Variants in NOX1 observed in about 807,000 individuals in gnomAD.
The protein encoded by NOX1 is NADH/NADPH mitogenic oxidase subunit P65-MOX.
A neutral mutation model predicts 42.5 loss-of-function variants in NOX1; 34 were observed. That is an observed-to-expected ratio of 0.80 (90% CI 0.61 to 1.07). The LOEUF is 1.07. Ranked by LOEUF, NOX1 falls within the 50% of genes least tolerant of loss-of-function variation. NOX1 has a pLI of 0.00. For missense variants in NOX1, 408 were observed against 427.0 expected (o/e 0.96, Z 0.39); for synonymous variants, 143 against 152.5 (o/e 0.94, Z 0.46).
At chrX:100,845,391 GT>G (rs200770960) in intron 12 of NOX1, among the ~76,000 whole-genome samples, 23 of 103,159 alleles carry the variant, frequency 2.2e-4, no homozygotes, top group African/African-American at 7.0e-4. Context: ...TCAGTACTTT[GT>G]TTTTTTTTTA....
chrX:100,863,337 A>G lies in NOX1; in HGVS notation c.253-94T>C, dbSNP rs896777569. On this transcript the variant is annotated intron_variant, in intron 3 of 12. Transcript: ENST00000372966. ...AATATGTCTTGCATATAGCATGCCAATACTCACCCGCACTAACCCACCCCC... is the reference window on the plus strand; with the variant it reads ...AATATGTCTTGCATATAGCATGCCAGTACTCACCCGCACTAACCCACCCCC... The G allele has an allele frequency of 8.7e-6, 8 of 921,762 alleles. No individual in the cohort carries two copies. In the African/African-American group the frequency reaches 1.2e-4, roughly 13 times the overall value. 76.0% of individuals were successfully genotyped at this position (921,762 alleles called of 1,213,427 possible). A position where few individuals can be genotyped will look rare whatever the true frequency, so the allele number is the denominator to read the frequency against.
chrX:100,857,711 CTTTTT>C (rs111819752), intron 7 of NOX1, among the ~76,000 whole-genome samples: 9 of 93,924 alleles, frequency 9.6e-5, no homozygotes, highest in Non-Finnish European at 2.1e-5. Context: ...CCTTTGCCCA[CTTTTT>C]TTTTTTTTTT....
chrX:100,859,700 T>C (rs1193187959), intron 7 of NOX1, among the ~76,000 whole-genome samples: 1 of 108,667 alleles, frequency 9.2e-6, no homozygotes, highest in Non-Finnish European at 1.9e-5. Flanking sequence ...ATCCATTTCT[T>C]CTAGGTTGTT....
At chrX:100,860,446 C>T (rs1365332336) in intron 7 of NOX1, among the ~76,000 whole-genome samples, 1 of 112,047 alleles carries the variant, frequency 8.9e-6, no homozygotes, top group Non-Finnish European at 1.9e-5. Context: ...CACTTGCCAG[C>T]ACCATACATT....
intron 7 of NOX1, 31 bp downstream of exon 7, chrX:100,862,140 A>G: frequency 4.2e-6 from 5 of 1,199,196 alleles, no homozygotes; most frequent in Non-Finnish European, 5.6e-6. Flanking sequence ...AGCTCCTAAC[A>G]AGAGTCTGTC....
Position 100,855,036 on chromosome X carries a change from A to T in NOX1, c.805-3711T>A, listed in dbSNP as rs760853729. Among the ~76,000 whole-genome samples, 6 of 112,205 alleles carry T rather than the reference A, an allele frequency of 5.3e-5. No homozygotes were observed. The South Asian group carries it at 2.3e-3, about 42-fold the overall frequency. On this transcript the variant is annotated intron_variant, in intron 7 of 12. Coordinates refer to ENST00000372966, the MANE Select transcript of NOX1 (RefSeq NM_007052.5). ...TTGCATGGGTGCAAAAAAAATCTAC[A>T]TTAAAACCCTTTGTTGGAATGCTTT...
chrX:100,854,016 G>A lies in NOX1; in HGVS notation c.805-2691C>T, dbSNP rs187648644. Among the ~76,000 whole-genome samples the A allele has an allele frequency of 5.1e-3, 570 of 111,242 alleles. 5 individuals are homozygous for A. Among genetic ancestry groups the A allele is most frequent in the African/African-American group, 0.017 (536 of 30,716 alleles). The stretch of plus-strand genomic sequence containing the variant: ...AAATTAGCAGGGCGTGGTGGTGCGC[G>A]CCTGTAGTCCCAGCTACTTGGGAAG... On this transcript the variant is annotated intron_variant, in intron 7 of 12. Coordinates refer to ENST00000372966, the MANE Select transcript of NOX1 (RefSeq NM_007052.5).
chrX:100,844,210 G>A (rs1204570235), intron 12 of NOX1, 132 bp from the exon 13 acceptor site: 1 of 598,400 alleles, frequency 1.7e-6, no homozygotes, highest in Non-Finnish European at 2.5e-6. Context: ...GTTCTTCATG[G>A]TAGTTTTTTA....
chrX:100,847,242 A>G (rs1182343689), intron 12 of NOX1, among the ~76,000 whole-genome samples: 1 of 111,561 alleles, frequency 9.0e-6, no homozygotes, highest in Non-Finnish European at 1.9e-5. Flanking sequence ...AATCCAAGTC[A>G]CTAAGTGCTC....
At chrX:100,866,544 G>A (rs371984113) in intron 2 of NOX1, among the ~76,000 whole-genome samples, 1 of 109,378 alleles carries the variant, frequency 9.1e-6, no homozygotes, top group Non-Finnish European at 1.9e-5. Context: ...TAGGATGGGA[G>A]GGAGATTTTC....
chrX:100,869,176 A>C (rs1338846636), intron 2 of NOX1, among the ~76,000 whole-genome samples: 1 of 110,939 alleles, frequency 9.0e-6, no homozygotes, highest in Non-Finnish European at 1.9e-5. Context: ...ACTTTGAAGT[A>C]GTTTTTTCCA....
rs58552492 is a variant in NOX1, at chrX:100,859,498, T to C, written c.804+2673A>G. On this transcript the variant is annotated intron_variant, in intron 7 of 12. Coordinates refer to ENST00000372966, the MANE Select transcript of NOX1 (RefSeq NM_007052.5). ...CTCCTCCTCAATTTTTTTGCAATAG[T>C]TTCAGTAGGAATGGTACCAGATCTT... Among the ~76,000 whole-genome samples, 324 of 111,642 alleles carry C rather than the reference T, an allele frequency of 2.9e-3. 2 individuals carry two copies. Among genetic ancestry groups the C allele is most frequent in the African/African-American group, 0.01 (310 of 30,772 alleles).
At chrX:100,871,876 T>C (rs921996002) in intron 1 of NOX1, among the ~76,000 whole-genome samples, 1 of 112,022 alleles carries the variant, frequency 8.9e-6, no homozygotes, top group Non-Finnish European at 1.9e-5. Flanking sequence ...AATATAGTGA[T>C]TTAAAGTGTG....
chrX:100,853,959 G>A (rs529273719), intron 7 of NOX1, among the ~76,000 whole-genome samples: 7 of 111,970 alleles, frequency 6.3e-5, no homozygotes, highest in Admixed American at 9.4e-5. Context: ...TCTGGTCAAC[G>A]TGGCAAAACC....
At chrX:100,845,577 G>A (rs942554054) in intron 12 of NOX1, among the ~76,000 whole-genome samples, 5 of 104,967 alleles carry the variant, frequency 4.8e-5, no homozygotes, top group Non-Finnish European at 7.8e-5. Flanking sequence ...TGTATAACAA[G>A]GAGTGGGATT....
At chrX:100,845,615 T>G (rs939477022) in intron 12 of NOX1, among the ~76,000 whole-genome samples, 1 of 91,649 alleles carries the variant, frequency 1.1e-5, no homozygotes, top group Non-Finnish European at 2.2e-5. Context: ...CTATGTGTTT[T>G]TTTTTTTTTT....
Position 100,857,711 on chromosome X carries a change from C to CT in NOX1, c.804+4459dup, listed in dbSNP as rs111819752. Among the ~76,000 whole-genome samples, 612 of 93,884 alleles carry CT rather than the reference C, an allele frequency of 6.5e-3. 18 individuals are homozygous for CT. In the East Asian group the frequency reaches 0.11, roughly 16 times the overall value. 81.5% of individuals were successfully genotyped at this position (93,884 alleles called of 115,157 possible). ...AGTGTTTCTTTATGTCCTTTGCCCA[C>CT]TTTTTTTTTTTTTTTGAGACTTTGC... On this transcript the variant is annotated intron_variant, in intron 7 of 12. Coordinates refer to ENST00000372966, the MANE Select transcript of NOX1 (RefSeq NM_007052.5).
intron 1 of NOX1, among the ~76,000 whole-genome samples, chrX:100,873,756 G>T (rs1001997390): frequency 1.8e-5 from 2 of 111,878 alleles, no homozygotes; most frequent in African/African-American, 6.5e-5. Context: ...CAAACATTCA[G>T]TGACTTTTTG....
intron 1 of NOX1, among the ~76,000 whole-genome samples, chrX:100,873,324 C>A (rs2096080623): frequency 9.0e-6 from 1 of 111,116 alleles, no homozygotes; most frequent in East Asian, 2.9e-4. Flanking sequence ...TCGAGTGATG[C>A]CAATTCAGTC....
Sources: allele counts gnomAD v4.1 joint callset (sites outside exome capture counted in the v4.1 genomes callset), GRCh38; gene constraint gnomAD v4.1.1; transcripts MANE v1.5; gene names NCBI Gene and HGNC (gene_info 2026-07-23, HGNC 2026-07-21).